The following TPR variants were observed in gnomAD, a reference collection of about 807,000 sequenced individuals.
TPR encodes translocated promoter region, nuclear basket protein, also known as nucleoprotein TPR.
A neutral mutation model predicts 316.1 loss-of-function variants in TPR; 51 were observed. The ratio of observed to expected loss-of-function variants is 0.16; its 90% CI spans 0.13 to 0.20. The LOEUF (loss-of-function observed/expected upper bound fraction) is 0.20, where lower values mean the gene tolerates loss of function less well. Ranked by LOEUF, TPR falls within the 10% of genes least tolerant of loss-of-function variation. TPR has a pLI of 1.00. For missense variants in TPR, 2,272 were observed against 2,754.8 expected (o/e 0.82, Z 3.92); for synonymous variants, 981 against 914.7 (o/e 1.07, Z -1.31).
At chr1:186,323,481 T>C (rs1657827988) in intron 43 of TPR, among the ~76,000 whole-genome samples, 1 of 152,138 alleles carries the variant, frequency 6.6e-6, no homozygotes, top group South Asian at 2.1e-4. Flanking sequence ...TATGCACAAC[T>C]TTTAGTAACA....
At chr1:186,371,069 C>T (rs779093573) in intron 2 of TPR, 26 bp from the exon 3 acceptor site, 2 of 1,578,404 alleles carry the variant, frequency 1.3e-6, no homozygotes, top group African/African-American at 1.3e-5. Context: ...TTTATGAATA[C>T]ATACACATTT....
In TPR at chr1:186,335,343, T is replaced by C. The variant is rs755443251; in HGVS notation, c.4906A>G (p.Asn1636Asp). The C allele has an allele frequency of 1.2e-6, 2 of 1,612,980 alleles. No individual in the cohort carries two copies. Among genetic ancestry groups the C allele is most frequent in the South Asian group, 1.1e-5 (1 of 90,806 alleles). Residue 1636 changes from asparagine (N) to aspartate (D), a missense_variant, in exon 34 of 51, where the codon AAT becomes GAT. Transcript: ENST00000367478. ...EQRDEPQEPSNKVPEQQRQIT... is the reference protein window; with the variant it reads ...EQRDEPQEPSDKVPEQQRQIT... Reference sequence around the variant, plus strand: ...AAGCAGAATTAGCTAATCACCTTATTAGAAGGTTCTTGAGGCTCATCTCTC... The same window carrying C: ...AAGCAGAATTAGCTAATCACCTTATCAGAAGGTTCTTGAGGCTCATCTCTC...
At position 186,359,838 on chromosome 1, in the gene TPR, A is replaced by G. The variant is rs1448130565; in HGVS notation, c.1350T>C (p.Ala450=). The change falls in exon 12 of 51, where the codon GCT becomes GCC. Residue 450 remains alanine, a synonymous_variant. Transcript: ENST00000367478. ...QREEYERAQK[A]VASLSVKLEQ... is the part of the protein sequence containing the mutation. ...CAAGCTTAACAGATAAACTTGCTAC[A>G]GCTTTCTGTGCACGTTCATATTCCT... The G allele has an allele frequency of 1.9e-6, 3 of 1,589,424 alleles. No individual in the cohort carries two copies. Among genetic ancestry groups the G allele is most frequent in the African/African-American group, 1.4e-5 (1 of 72,948 alleles).
At chr1:186,337,735 C>T (rs1432435924) in intron 31 of TPR, among the ~76,000 whole-genome samples, 3 of 151,810 alleles carry the variant, frequency 2.0e-5, no homozygotes, top group Non-Finnish European at 2.9e-5. Flanking sequence ...CTATACAAAA[C>T]CAGATTAGTC....
In TPR at chr1:186,313,685, A is replaced by G; in HGVS notation, c.*286T>C. 6.3e-7 allele frequency: 1 copy of G among 1,588,222 alleles called. No individual in the cohort carries two copies. The highest frequency in any genetic ancestry group is 2.2e-5 in the East Asian group (1 of 44,648). ...AATGTTTTCTCTTCCATTTAGATCA[A>G]TACTATAACATTGATGTGCCTAGTA... is the stretch of plus-strand genomic sequence containing the variant. On this transcript the variant is annotated 3_prime_UTR_variant, in exon 51 of 51. Transcript: ENST00000367478.
Position 186,317,500 on chromosome 1 carries a change from G to A in TPR, c.6922C>T (p.Pro2308Ser), listed in dbSNP as rs1226043407. ...GACTCACCTACAGATGAGCTAGAAG[G>A]AGGATCCTGGCTGGTGGAGGGGAGA... ...SDLPSTSQDP[P>S]SSSSVDTSSS... Residue 2308 changes from proline to serine, a missense_variant, in exon 49 of 51, where the codon CCT (proline) becomes TCT (serine). Coordinates refer to ENST00000367478, the MANE Select transcript of TPR (RefSeq NM_003292.3). The A allele has an allele frequency of 5.0e-6, 8 of 1,613,972 alleles. No homozygotes were observed. In the Admixed American group the frequency reaches 5.0e-5, roughly 10 times the overall value.
rs1288227860 is a variant in TPR, at chr1:186,371,052, A to G, written c.257-9T>C. 3 of 1,610,710 alleles carry G rather than the reference A, an allele frequency of 1.9e-6. No individual in the cohort carries two copies. In the South Asian group the frequency reaches 3.3e-5, roughly 18 times the overall value. On this transcript the variant is annotated splice_polypyrimidine_tract_variant and intron_variant, in intron 2 of 50. Coordinates refer to ENST00000367478, the MANE Select transcript of TPR (RefSeq NM_003292.3). ...TGCCTTCAGTTGATTGTCTGGATAA[A>G]AGGAATTTTATGAATACATACACAT...
At chr1:186,368,388 G>C (rs578156615) in intron 3 of TPR, among the ~76,000 whole-genome samples, 5 of 152,246 alleles carry the variant, frequency 3.3e-5, no homozygotes, top group African/African-American at 1.2e-4. Flanking sequence ...AAGCTGGGCC[G>C]ATCATTTGAG....
At chr1:186,335,948 A>G (rs1658327522) in intron 33 of TPR, among the ~76,000 whole-genome samples, 1 of 152,100 alleles carries the variant, frequency 6.6e-6, no homozygotes, top group Non-Finnish European at 1.5e-5. Flanking sequence ...TGTCTTAGAG[A>G]TCATTTTAAA....
rs986956312 is a variant in TPR, at chr1:186,343,152, C to T, written c.3750+174G>A. ...GAAACCAGGCAGTTTGGTTACAGAG[C>T]CTTTACTTTTAAGCACTATACTATA... is the stretch of plus-strand genomic sequence containing the variant. On this transcript the variant is annotated intron_variant, in intron 27 of 50. Transcript: ENST00000367478. The T allele has an allele frequency of 7.0e-6, 5 of 715,190 alleles. No homozygotes were observed. In the African/African-American group the frequency reaches 7.4e-5, roughly 11 times the overall value. The allele number at this position is 715,190 out of a possible 1,614,324, so 44.3% of individuals were successfully genotyped here.
chr1:186,364,382 TAAAAAAAAAAAAAGAAATAAAAAG>T (rs888588429), intron 4 of TPR, among the ~76,000 whole-genome samples: 1 of 142,048 alleles, frequency 7.0e-6, no homozygotes, highest in African/African-American at 2.6e-5. Flanking sequence ...GACCGTTGTT[TAAAAAAAAAAAAAGAAATAAAAAG>T]AAAATTCGTA....
Position 186,331,538 on chromosome 1 carries a change from G to A in TPR, c.5648C>T (p.Thr1883Ile). Residue 1883 changes from threonine to isoleucine, a missense_variant, in exon 39 of 51, where the codon ACT (threonine) becomes ATT (isoleucine). Transcript: ENST00000367478. ...AEESTDGEVE[T>I]QVYNQDSQDS... ...TTGAGAATCCTGGTTGTATACCTGA[G>A]TCTCTACCTCTCCATCAGTACTTTC... The A allele has an allele frequency of 1.2e-6, 2 of 1,609,134 alleles. No individual in the cohort carries two copies. The highest frequency in any genetic ancestry group is 8.5e-7 in the Non-Finnish European group (1 of 1,177,508).
chr1:186,347,543 T>A, intron 21 of TPR, 85 bp from the exon 22 acceptor site: 1 of 1,387,476 alleles, frequency 7.2e-7, no homozygotes, highest in Non-Finnish European at 9.7e-7. Flanking sequence ...AAATTAGCAT[T>A]AAGGTTCAAA....
chr1:186,339,829 A>G, intron 29 of TPR, 57 bp from the exon 30 acceptor site: 1 of 1,435,676 alleles, frequency 7.0e-7, no homozygotes, highest in Non-Finnish European at 9.4e-7. Context: ...CAAATGTGCT[A>G]TAATAAAATG....
chr1:186,318,405 G>A (rs1183265772), intron 48 of TPR, 42 bp downstream of exon 48: 4 of 1,581,278 alleles, frequency 2.5e-6, no homozygotes, highest in Non-Finnish European at 3.4e-6. Context: ...GTACAAGTCT[G>A]TTGAGACTAA....
chr1:186,332,387 C>T, intron 37 of TPR, 44 bp from the exon 38 acceptor site: 1 of 1,596,974 alleles, frequency 6.3e-7, no homozygotes, highest in Middle Eastern at 1.7e-4. Context: ...GATAATAACT[C>T]AATTTAGATA....
chr1:186,338,497 T>C (rs1171818257), intron 30 of TPR, among the ~76,000 whole-genome samples: 1 of 152,200 alleles, frequency 6.6e-6, no homozygotes, highest in African/African-American at 2.4e-5. Flanking sequence ...TGCGCAATTT[T>C]ACAAACTAAA....
chr1:186,311,739 T>G lies in TPR; in HGVS notation c.*2232A>C, dbSNP rs1019865046. 9 of 868,980 alleles carry G rather than the reference T, an allele frequency of 1.0e-5. No homozygotes were observed. In the Admixed American group the frequency reaches 2.4e-4, roughly 24 times the overall value. 53.8% of individuals were successfully genotyped at this position (868,980 alleles called of 1,614,324 possible). A position where few individuals can be genotyped will look rare whatever the true frequency, so the allele number is the denominator to read the frequency against. On this transcript the variant is annotated 3_prime_UTR_variant, in exon 51 of 51. Coordinates refer to ENST00000367478, the MANE Select transcript of TPR (RefSeq NM_003292.3). ...CAGTGAAAAAAATCAATATTGAGGG[T>G]AGTATTCTTATTGCCCTCAATTTTT...
rs1000043183 is a variant in TPR at position 186,323,541 on chromosome 1, T to C, written c.6297+145A>G. On this transcript the variant is annotated intron_variant, in intron 43 of 50. Transcript: ENST00000367478. The stretch of plus-strand genomic sequence containing the variant: ...AGATTAGTTTTAGTTCAAAGAATTT[T>C]ATAAAAATATGCCAAAATACCAAAA... The C allele has an allele frequency of 2.0e-5, 14 of 712,736 alleles. No individual in the cohort carries two copies. The African/African-American group carries it at 2.2e-4, about 11-fold the overall frequency. 44.2% of individuals were successfully genotyped at this position (712,736 alleles called of 1,614,324 possible).
Sources: gnomAD v4.1 joint callset for allele counts (sites outside exome capture counted in the v4.1 genomes callset) on GRCh38, gnomAD v4.1.1 for gene constraint, MANE v1.5 for transcripts, NCBI Gene and HGNC (gene_info 2026-07-23, HGNC 2026-07-21) for gene names.